MDGA2: variants seen among roughly 807,000 people sequenced by gnomAD.
MDGA2 encodes MAM domain containing glycosylphosphatidylinositol anchor 2, also known as MAM domain-containing glycosylphosphatidylinositol anchor protein 2.
Under a neutral mutation model 117.8 loss-of-function variants are expected in MDGA2, and 40 were observed. That is an observed-to-expected ratio of 0.34 (90% CI 0.26 to 0.44). The LOEUF (loss-of-function observed/expected upper bound fraction) is 0.44. Among genes scored for constraint, MDGA2 ranks in the 20% least tolerant of loss-of-function variants. The pLI is 1.00. For missense variants in MDGA2, 1,123 were observed against 1,250.6 expected (o/e 0.90, Z 1.54); for synonymous variants, 452 against 439.0 (o/e 1.03, Z -0.37).
chr14:46,921,392 T>C (rs1449304139), intron 9 of MDGA2, among the ~76,000 whole-genome samples: 3 of 151,630 alleles, frequency 2.0e-5, no homozygotes, highest in Non-Finnish European at 2.9e-5. Flanking sequence ...TTGAACCTAG[T>C]TGTTAAAGAC....
chr14:47,586,053 G>T (rs1333375402), intron 1 of MDGA2, among the ~76,000 whole-genome samples: 2 of 151,794 alleles, frequency 1.3e-5, no homozygotes, highest in Non-Finnish European at 2.9e-5. Context: ...TTACCAGAAC[G>T]GGAAAGGAGG....
At chr14:47,672,359 A>G (rs2138320820) in intron 1 of MDGA2, among the ~76,000 whole-genome samples, 1 of 152,340 alleles carries the variant, frequency 6.6e-6, no homozygotes, top group Admixed American at 6.5e-5. Flanking sequence ...CAGTAGCAGA[A>G]CTGCCTCCTT....
At position 47,154,769 on chromosome 14, in the gene MDGA2, G is replaced by T. The variant is rs536371651; in HGVS notation, c.596-10495C>A. ...AGGGCCACTCGGCACCGGCCTGCAGGCACTCCCTAGCATGAACAGCCAGGG... is the reference window on the plus strand; with the variant it reads ...AGGGCCACTCGGCACCGGCCTGCAGTCACTCCCTAGCATGAACAGCCAGGG... On this transcript the variant is annotated intron_variant, in intron 3 of 16. Coordinates refer to ENST00000399232, the MANE Select transcript of MDGA2 (RefSeq NM_001113498.3). Among the ~76,000 whole-genome samples the T allele has an allele frequency of 8.5e-5, 13 of 152,284 alleles. No individual in the cohort carries two copies. In the South Asian group the frequency reaches 2.3e-3, roughly 27 times the overall value.
intron 2 of MDGA2, among the ~76,000 whole-genome samples, chr14:47,298,624 G>C (rs1017681012): frequency 6.6e-6 from 1 of 151,688 alleles, no homozygotes; most frequent in Non-Finnish European, 1.5e-5. Context: ...CAGGGCCCAG[G>C]TGTTCTGTCA....
chr14:47,478,465 C>T (rs575424974), intron 1 of MDGA2, among the ~76,000 whole-genome samples: 7 of 152,262 alleles, frequency 4.6e-5, no homozygotes, highest in African/African-American at 1.7e-4. Context: ...CAGCCTTCAC[C>T]TCCTGGCTCA....
At chr14:47,246,173 C>T (rs1263661871) in intron 2 of MDGA2, among the ~76,000 whole-genome samples, 1 of 151,822 alleles carries the variant, frequency 6.6e-6, no homozygotes, top group Admixed American at 6.6e-5. Flanking sequence ...TATTTACTTA[C>T]TATCCATGTA....
At chr14:47,415,205 G>T (rs1281845925) in intron 1 of MDGA2, among the ~76,000 whole-genome samples, 2 of 152,090 alleles carry the variant, frequency 1.3e-5, no homozygotes, top group Non-Finnish European at 2.9e-5. Flanking sequence ...ATATAAAGAA[G>T]AAACATGGAT....
intron 8 of MDGA2, among the ~76,000 whole-genome samples, chr14:47,004,819 A>G (rs1433554771): frequency 6.6e-6 from 1 of 151,626 alleles, no homozygotes; most frequent in Non-Finnish European, 1.5e-5. Flanking sequence ...TTCCCTGACA[A>G]TCATACAGCA....
intron 8 of MDGA2, among the ~76,000 whole-genome samples, chr14:46,965,185 AGTGCTGGGAT>A: frequency 2.5e-5 from 3 of 120,124 alleles, no homozygotes; most frequent in African/African-American, 1.3e-4. Context: ...GGCCTCCCAA[AGTGCTGGGAT>A]TACAGGCGCG....
chr14:47,263,724 A>C (rs918662256), intron 2 of MDGA2, among the ~76,000 whole-genome samples: 9 of 152,186 alleles, frequency 5.9e-5, no homozygotes, highest in African/African-American at 1.7e-4. Context: ...CATTTGGCAG[A>C]AGATGATTTG....
chr14:47,566,444 G>C (rs1895920917), intron 1 of MDGA2, among the ~76,000 whole-genome samples: 1 of 152,158 alleles, frequency 6.6e-6, no homozygotes, highest in South Asian at 2.1e-4. Flanking sequence ...TAAAGCTAGA[G>C]TATCCCAGGG....
chr14:47,502,563 G>C (rs895521370), intron 1 of MDGA2, among the ~76,000 whole-genome samples: 5 of 152,172 alleles, frequency 3.3e-5, no homozygotes, highest in African/African-American at 1.2e-4. Context: ...CTAACTTTCT[G>C]AGAAGGTTTT....
At chr14:47,187,501 A>G (rs1296237039) in intron 3 of MDGA2, among the ~76,000 whole-genome samples, 2 of 152,072 alleles carry the variant, frequency 1.3e-5, no homozygotes. Flanking sequence ...AGTATTAAAC[A>G]TATTTTCTTC....
At chr14:47,526,874 T>C (rs1464522679) in intron 1 of MDGA2, among the ~76,000 whole-genome samples, 1 of 152,122 alleles carries the variant, frequency 6.6e-6, no homozygotes, top group African/African-American at 2.4e-5. Flanking sequence ...AGTAGAACAA[T>C]TGTTGAGATC....
chr14:47,066,429 GATTTGAT>G (rs1890083563), intron 6 of MDGA2, among the ~76,000 whole-genome samples: 1 of 152,152 alleles, frequency 6.6e-6, no homozygotes, highest in Non-Finnish European at 1.5e-5. Context: ...AAAAAGAACA[GATTTGAT>G]GTCCTCAAGG....
At chr14:47,340,333 G>A (rs1347641947) in intron 1 of MDGA2, among the ~76,000 whole-genome samples, 1 of 152,088 alleles carries the variant, frequency 6.6e-6, no homozygotes, top group African/African-American at 2.4e-5. Flanking sequence ...AAAAATAGGA[G>A]TGCCAAACAA....
At chr14:47,198,654 T>C (rs1334925281) in intron 3 of MDGA2, among the ~76,000 whole-genome samples, 1 of 152,216 alleles carries the variant, frequency 6.6e-6, no homozygotes, top group Non-Finnish European at 1.5e-5. Flanking sequence ...AATGATGCTA[T>C]GAATATTCTG....
intron 1 of MDGA2, among the ~76,000 whole-genome samples, chr14:47,574,705 A>C (rs576736736): frequency 6.6e-6 from 1 of 152,202 alleles, no homozygotes; most frequent in Admixed American, 6.6e-5. Flanking sequence ...AAAACTTCTT[A>C]ATACTTTACA....
chr14:47,563,578 G>GT (rs56244321), intron 1 of MDGA2, among the ~76,000 whole-genome samples: 24 of 56,926 alleles, frequency 4.2e-4, no homozygotes, highest in Admixed American at 5.3e-4. Context: ...GCTTTTTTCT[G>GT]TTTTTTTTTT....
Sources: allele counts gnomAD v4.1 joint callset (sites outside exome capture counted in the v4.1 genomes callset), GRCh38; gene constraint gnomAD v4.1.1; transcripts MANE v1.5; gene names NCBI Gene and HGNC (gene_info 2026-07-23, HGNC 2026-07-21).